SLC9B1: variants seen among roughly 807,000 people sequenced by gnomAD.
SLC9B1 encodes solute carrier family 9 member B1, also known as sodium/hydrogen exchanger 9B1.
A neutral mutation model predicts 51.7 loss-of-function variants in SLC9B1; 32 were observed. That is an observed-to-expected ratio of 0.62 (90% CI 0.47 to 0.83). The LOEUF (loss-of-function observed/expected upper bound fraction) is 0.83. Ranked by LOEUF, SLC9B1 falls within the 40% of genes least tolerant of loss-of-function variation. The pLI, the probability that SLC9B1 is intolerant of heterozygous loss-of-function variation, is 0.00. For missense variants in SLC9B1, 406 were observed against 613.2 expected, an observed-to-expected ratio of 0.66 and a Z score of 3.57; for synonymous variants, 145 against 212.7, an observed-to-expected ratio of 0.68 and a Z score of 2.77.
intron 7 of SLC9B1, 52 bp downstream of exon 7, chr4:102,932,072 G>A (rs1266012424): frequency 6.4e-7 from 1 of 1,558,582 alleles, no homozygotes; most frequent in Non-Finnish European, 8.8e-7. Context: ...GTTTAAAGAA[G>A]TAACAAAAAA....
chr4:102,979,797 C>T (rs1017270635), intron 3 of SLC9B1, among the ~76,000 whole-genome samples: 3 of 152,112 alleles, frequency 2.0e-5, no homozygotes, highest in East Asian at 1.9e-4. Context: ...CAAAAATCCC[C>T]GCTCTCTACA....
chr4:102,986,860 A>T (rs941280100), intron 3 of SLC9B1, among the ~76,000 whole-genome samples: 4 of 152,104 alleles, frequency 2.6e-5, no homozygotes, highest in African/African-American at 7.2e-5. Context: ...ATCTGTTCTT[A>T]CATGTTTTCT....
In SLC9B1 at chr4:102,989,844, A is replaced by C; in HGVS notation, c.167T>G (p.Ile56Ser). 6 of 1,603,220 alleles carry C rather than the reference A, an allele frequency of 3.7e-6. No homozygotes were observed. The highest frequency in any genetic ancestry group is 5.1e-6 in the Non-Finnish European group (6 of 1,172,746). ...CAATACTCCTCTTAGAGGACAAGAA[A>C]TGTATGTCTCCTTTTTTGTCTGTGG... ...IKPQTKKETYISCPLRGVLNV... is the reference protein window; with the variant it reads ...IKPQTKKETYSSCPLRGVLNV... Residue 56 changes from isoleucine (I) to serine (S), a missense_variant, in exon 3 of 12, where the codon ATT becomes AGT. By Grantham distance (142) the Ile-to-Ser change is moderately radical (BLOSUM62 -2). Coordinates refer to ENST00000296422, the MANE Select transcript of SLC9B1 (RefSeq NM_139173.4).
intron 9 of SLC9B1, 59 bp from the exon 10 acceptor site, chr4:102,906,703 T>C: frequency 9.1e-7 from 1 of 1,095,376 alleles, no homozygotes; most frequent in South Asian, 1.4e-5. Context: ...TTTCAGAAAC[T>C]TAAAGTCTTC....
At chr4:103,009,616 G>A (rs557738403) in intron 1 of SLC9B1, among the ~76,000 whole-genome samples, 55 of 152,158 alleles carry the variant, frequency 3.6e-4, no homozygotes, top group Non-Finnish European at 6.9e-4. Flanking sequence ...CAATTCCAGT[G>A]TGTTTAAATA....
At chr4:102,922,771 T>C (rs1438415352) in intron 7 of SLC9B1, among the ~76,000 whole-genome samples, 16 of 152,110 alleles carry the variant, frequency 1.1e-4, no homozygotes, top group Non-Finnish European at 1.8e-4. Context: ...GAGAATACTA[T>C]AAACACCTCT....
At chr4:103,006,915 T>C (rs1436078930) in intron 1 of SLC9B1, among the ~76,000 whole-genome samples, 1 of 152,202 alleles carries the variant, frequency 6.6e-6, no homozygotes, top group Non-Finnish European at 1.5e-5. Flanking sequence ...AAATGGCTTT[T>C]AATAAAATTC....
At chr4:102,941,376 A>G (rs1736986053) in intron 6 of SLC9B1, 1 of 431,632 alleles carries the variant, frequency 2.3e-6, no homozygotes, top group Admixed American at 2.4e-5. Flanking sequence ...ACACGTAGTC[A>G]ACAAGTATAT....
intron 1 of SLC9B1, among the ~76,000 whole-genome samples, 158 bp downstream of exon 1, chr4:103,019,441 G>A (rs1211074949): frequency 6.6e-6 from 1 of 152,226 alleles, no homozygotes; most frequent in Non-Finnish European, 1.5e-5. Context: ...AATGTCTGTG[G>A]CTGTTCCCTC....
chr4:102,968,434 C>A (rs184029825), intron 3 of SLC9B1, among the ~76,000 whole-genome samples: 1 of 152,142 alleles, frequency 6.6e-6, no homozygotes, highest in African/African-American at 2.4e-5. Flanking sequence ...TTGGACTAAG[C>A]AAAGGTTTCT....
At chr4:102,959,315 T>C (rs1441354576) in intron 3 of SLC9B1, among the ~76,000 whole-genome samples, 1 of 152,172 alleles carries the variant, frequency 6.6e-6, no homozygotes, top group South Asian at 2.1e-4. Flanking sequence ...ACTATATATA[T>C]GTAATTTTTT....
At chr4:102,960,720 C>G (rs1216411186) in intron 3 of SLC9B1, among the ~76,000 whole-genome samples, 4 of 150,364 alleles carry the variant, frequency 2.7e-5, no homozygotes, top group Non-Finnish European at 5.9e-5. Flanking sequence ...TTAAGCTTTA[C>G]TTTCTTTCTT....
intron 6 of SLC9B1, 26 bp downstream of exon 6, chr4:102,945,167 A>T (rs373098908): frequency 6.5e-7 from 1 of 1,541,612 alleles, no homozygotes; most frequent in Non-Finnish European, 8.8e-7. Context: ...GAATATTTTC[A>T]TAAGAAAAAA....
At chr4:102,935,990 T>C (rs192356371) in intron 6 of SLC9B1, among the ~76,000 whole-genome samples, 1 of 152,288 alleles carries the variant, frequency 6.6e-6, no homozygotes, top group Non-Finnish European at 1.5e-5. Flanking sequence ...CTTGCTACAA[T>C]CACTACAATG....
In SLC9B1 at chr4:102,911,495, C is replaced by G. The variant is rs769478388; in HGVS notation, c.872G>C (p.Cys291Ser). The G allele has an allele frequency of 2.5e-6, 4 of 1,596,852 alleles. No individual in the cohort carries two copies. Among genetic ancestry groups the G allele is most frequent in the South Asian group, 2.2e-5 (2 of 90,956 alleles). The change falls in exon 8 of 12, where the codon TGT becomes TCT. Residue 291 changes from cysteine (C) to serine (S), a missense_variant. Coordinates refer to ENST00000296422, the MANE Select transcript of SLC9B1 (RefSeq NM_139173.4). Reference sequence around the variant, plus strand: ...AACAATTCCTGCCAGCAGACTAATACATACGTTCCTTATAGAGGCTATGGC... The same window carrying G: ...AACAATTCCTGCCAGCAGACTAATAGATACGTTCCTTATAGAGGCTATGGC... ...NNAIASIRNVCISLLAGIVLG... is the reference protein window; with the variant it reads ...NNAIASIRNVSISLLAGIVLG...
intron 1 of SLC9B1, among the ~76,000 whole-genome samples, chr4:102,998,604 GTTT>G (rs138863134): frequency 6.8e-6 from 1 of 146,384 alleles, no homozygotes; most frequent in Non-Finnish European, 1.5e-5. Context: ...TCATCATATG[GTTT>G]TTTTTTTTTC....
intron 9 of SLC9B1, among the ~76,000 whole-genome samples, chr4:102,908,309 A>G (rs1228819534): frequency 6.6e-6 from 1 of 152,242 alleles, no homozygotes; most frequent in Non-Finnish European, 1.5e-5. Context: ...TTATGTGCAT[A>G]TATCTGTATG....
intron 7 of SLC9B1, among the ~76,000 whole-genome samples, chr4:102,914,235 A>C (rs113764232): frequency 9.5e-6 from 1 of 105,562 alleles, no homozygotes; most frequent in Non-Finnish European, 1.9e-5. Flanking sequence ...CACTGGATGA[A>C]TCAGCCAGTG....
intron 1 of SLC9B1, among the ~76,000 whole-genome samples, chr4:103,008,042 C>T (rs1252410013): frequency 6.6e-6 from 1 of 152,138 alleles, no homozygotes; most frequent in Non-Finnish European, 1.5e-5. Flanking sequence ...CAGTGTCTTA[C>T]ATATAAATGA....
Sources: allele counts gnomAD v4.1 joint callset (sites outside exome capture counted in the v4.1 genomes callset), GRCh38; gene constraint gnomAD v4.1.1; transcripts MANE v1.5; gene names NCBI Gene and HGNC (gene_info 2026-07-23, HGNC 2026-07-21).